Variants in DGLUCY observed in about 807,000 individuals in gnomAD.
The protein encoded by DGLUCY is D-glutamate cyclase, also known as D-glutamate cyclase, mitochondrial.
Under a neutral mutation model 58.5 loss-of-function variants are expected in DGLUCY, and 58 were observed. That is an observed-to-expected ratio of 0.99 (90% CI 0.80 to 1.23). The LOEUF (loss-of-function observed/expected upper bound fraction) is 1.23, where lower values mean the gene tolerates loss of function less well. DGLUCY is among the 50% of genes most tolerant of loss of function. DGLUCY has a pLI of 0.00. For synonymous variants in DGLUCY, 325 were observed against 314.1 expected (o/e 1.03, Z -0.37); for missense variants, 779 against 784.7 (o/e 0.99, Z 0.09).
intron 1 of DGLUCY, among the ~76,000 whole-genome samples, chr14:91,077,254 GGAGAGAGAGAAA>G (rs2044036365): frequency 6.7e-6 from 1 of 150,298 alleles, no homozygotes; most frequent in African/African-American, 2.5e-5. Flanking sequence ...CAAAGAGTGG[GGAGAGAGAGAAA>G]GAGAGAGAGA....
chr14:91,118,726 T>G (rs936797661), intron 1 of DGLUCY, among the ~76,000 whole-genome samples: 1 of 152,188 alleles, frequency 6.6e-6, no homozygotes, highest in Non-Finnish European at 1.5e-5. Context: ...TGGACTAGTA[T>G]TTCAGGTTTC....
At chr14:91,140,081 A>G (rs1004789230) in intron 1 of DGLUCY, among the ~76,000 whole-genome samples, 1 of 152,262 alleles carries the variant, frequency 6.6e-6, no homozygotes, top group Admixed American at 6.5e-5. Flanking sequence ...TAGGAACAAA[A>G]GGAAAGACAG....
chr14:91,090,233 C>G (rs10143322), intron 1 of DGLUCY, among the ~76,000 whole-genome samples: 42,461 of 151,894 alleles, frequency 0.28, 6,969 homozygotes, highest in African/African-American at 0.45. Flanking sequence ...ATGGGGGAAC[C>G]CCCACAGATG....
chr14:91,197,044 A>G (rs1417954018), intron 10 of DGLUCY, among the ~76,000 whole-genome samples: 2 of 152,056 alleles, frequency 1.3e-5, no homozygotes, highest in Non-Finnish European at 2.9e-5. Context: ...TCTGCTCACT[A>G]CAACCTCCGC....
At chr14:91,096,158 C>T (rs529529460) in intron 1 of DGLUCY, among the ~76,000 whole-genome samples, 11 of 152,180 alleles carry the variant, frequency 7.2e-5, no homozygotes, top group South Asian at 2.1e-4. Context: ...GGAGGCTGGG[C>T]GCGGTGGCAC....
chr14:91,176,438 A>C (rs531253832), intron 7 of DGLUCY, among the ~76,000 whole-genome samples: 8 of 151,748 alleles, frequency 5.3e-5, no homozygotes, highest in Middle Eastern at 6.8e-3. Context: ...GTTGGCCAGG[A>C]TGGTCTCAAT....
chr14:91,163,941 A>C (rs1021006744), intron 3 of DGLUCY, among the ~76,000 whole-genome samples: 1 of 152,100 alleles, frequency 6.6e-6, no homozygotes, highest in African/African-American at 2.4e-5. Context: ...GGTATTCTCC[A>C]ATAGAGCATA....
chr14:91,167,878 T>A (rs891805890), intron 4 of DGLUCY, among the ~76,000 whole-genome samples: 1 of 152,172 alleles, frequency 6.6e-6, no homozygotes, highest in Admixed American at 6.5e-5. Context: ...GGCCTAGCCC[T>A]AGTCTCATCC....
At chr14:91,216,645 C>CAAA (rs71120125) in intron 13 of DGLUCY, among the ~76,000 whole-genome samples, 3 of 137,528 alleles carry the variant, frequency 2.2e-5, no homozygotes, top group Admixed American at 7.2e-5. Context: ...GACCCTGTCT[C>CAAA]AAAAAAAAAA....
chr14:91,111,440 A>T (rs917983913), upstream of DGLUCY, among the ~76,000 whole-genome samples: 1 of 151,602 alleles, frequency 6.6e-6, no homozygotes, highest in African/African-American at 2.4e-5. Flanking sequence ...ACACTACCAC[A>T]CCCAGCTAAT....
chr14:91,208,098 C>G (rs1885065488), intron 12 of DGLUCY, among the ~76,000 whole-genome samples: 1 of 152,026 alleles, frequency 6.6e-6, no homozygotes, highest in African/African-American at 2.4e-5. Flanking sequence ...GAGGTAGCAA[C>G]CAATGCAGAA....
chr14:91,067,787 C>G (rs1484303546), intron 1 of DGLUCY, among the ~76,000 whole-genome samples: 1 of 152,064 alleles, frequency 6.6e-6, no homozygotes, highest in Non-Finnish European at 1.5e-5. Context: ...TGGGTCCAAG[C>G]AATCCACCCA....
At chr14:91,179,945 G>T (rs1271996945) in intron 7 of DGLUCY, among the ~76,000 whole-genome samples, 1 of 121,848 alleles carries the variant, frequency 8.2e-6, no homozygotes, top group Non-Finnish European at 1.6e-5. Context: ...AGGCTGGAGT[G>T]CAGTGACGTG....
At chr14:91,191,765 T>C (rs1401549916) in intron 9 of DGLUCY, among the ~76,000 whole-genome samples, 1 of 152,030 alleles carries the variant, frequency 6.6e-6, no homozygotes, top group Non-Finnish European at 1.5e-5. Flanking sequence ...TCCAGATGGA[T>C]TGGGTGTGGG....
chr14:91,077,762 AAGAG>A (rs1418897899), intron 1 of DGLUCY, among the ~76,000 whole-genome samples: 12 of 130,134 alleles, frequency 9.2e-5, no homozygotes, highest in South Asian at 2.6e-4. Context: ...AAAAAAAAAA[AAGAG>A]AGAGAGAAAG....
In DGLUCY at chr14:91,205,842, CTTTTTTT is replaced by C. The variant is rs36096639; in HGVS notation, c.1564+1034_1564+1040del. The stretch of plus-strand genomic sequence containing the variant: ...TCCTCCTCCTCCCTTTCTTCTTCTT[CTTTTTTT>C]TTTTTTTTTTTTTTTTGAGCGTGCT... On this transcript the variant is annotated intron_variant, in intron 12 of 13. Transcript: ENST00000256324. Among the ~76,000 whole-genome samples, 4 of 70,698 alleles carry C rather than the reference CTTTTTTT, an allele frequency of 5.7e-5. No individual in the cohort carries two copies. In the Admixed American group the frequency reaches 6.1e-4, roughly 11 times the overall value. 46.4% of individuals were successfully genotyped at this position (70,698 alleles called of 152,430 possible).
intron 1 of DGLUCY, among the ~76,000 whole-genome samples, chr14:91,122,966 G>A (rs187961791): frequency 2.1e-3 from 319 of 152,180 alleles, no homozygotes; most frequent in African/African-American, 7.1e-3. Flanking sequence ...CTATGTAGCC[G>A]GCACTACTCT....
intron 1 of DGLUCY, among the ~76,000 whole-genome samples, chr14:91,121,727 T>G (rs534012138): frequency 9.9e-4 from 151 of 152,216 alleles, no homozygotes; most frequent in Non-Finnish European, 1.8e-3. Context: ...TCATTATTTA[T>G]CTATCATCAA....
At chr14:91,137,552 A>ATT (rs55763052) in intron 1 of DGLUCY, among the ~76,000 whole-genome samples, 6 of 139,780 alleles carry the variant, frequency 4.3e-5, no homozygotes, top group Admixed American at 2.2e-4. Context: ...CGCCTGGCTA[A>ATT]TTTTTTTTTT....
Sources: gnomAD v4.1 joint callset for allele counts (sites outside exome capture counted in the v4.1 genomes callset) on GRCh38, gnomAD v4.1.1 for gene constraint, MANE v1.5 for transcripts, NCBI Gene and HGNC (gene_info 2026-07-23, HGNC 2026-07-21) for gene names.